The following ETV5 variants were observed in gnomAD, a reference collection of about 807,000 sequenced individuals.
ETV5 encodes ETS variant transcription factor 5.
Under a neutral mutation model 70.0 loss-of-function variants are expected in ETV5, and 10 were observed. That is an observed-to-expected ratio of 0.14 (90% CI 0.09 to 0.24). The LOEUF is 0.24. Ranked by LOEUF, ETV5 falls within the 10% of genes least tolerant of loss-of-function variation. ETV5 has a pLI of 1.00. For synonymous variants in ETV5, 216 were observed against 242.2 expected (o/e 0.89, Z 1.01); for missense variants, 453 against 651.2 (o/e 0.70, Z 3.31).
chr3:186,062,349 C>T (rs934136416), intron 9 of ETV5, among the ~76,000 whole-genome samples: 6 of 152,194 alleles, frequency 3.9e-5, no homozygotes, highest in South Asian at 4.1e-4. Flanking sequence ...GGTTTCATTA[C>T]CCTATGGGGC....
At chr3:186,083,775 C>CTGT (rs1713988390) in intron 5 of ETV5, among the ~76,000 whole-genome samples, 1 of 152,132 alleles carries the variant, frequency 6.6e-6, no homozygotes, top group African/African-American at 2.4e-5. Context: ...CACATCTACC[C>CTGT]TACAAGGCTG....
At chr3:186,071,493 TCA>T (rs1456323572) in intron 7 of ETV5, among the ~76,000 whole-genome samples, 1 of 152,148 alleles carries the variant, frequency 6.6e-6, no homozygotes, top group African/African-American at 2.4e-5. Context: ...CTCTGAAGCC[TCA>T]GTTTCCTCTC....
rs941598741 is a variant in ETV5, at chr3:186,054,719, T to G, written c.1209+2356A>C. 6.6e-6 allele frequency among the ~76,000 whole-genome samples: 1 copy of G among 151,824 alleles called. No homozygotes were observed. Among genetic ancestry groups the G allele is most frequent in the African/African-American group, 2.4e-5 (1 of 41,292 alleles). On this transcript the variant is annotated intron_variant, in intron 11 of 12. Coordinates refer to ENST00000306376, the MANE Select transcript of ETV5 (RefSeq NM_004454.3). The surrounding 1 kb of genome is among the most constrained non-coding windows in gnomAD (Gnocchi z 4.4). ...TCCTCCTCCGCTTCACCCTTCAAGC[T>G]CCCCCATGACGACTTCTTACAGCTT...
intron 5 of ETV5, among the ~76,000 whole-genome samples, chr3:186,085,615 T>G (rs1462067786): frequency 1.3e-5 from 2 of 151,578 alleles, no homozygotes; most frequent in Admixed American, 1.3e-4. Context: ...TTCAAGTGAT[T>G]CTCCTATCTC....
rs1712914462 is a variant in ETV5 at position 186,047,731 on chromosome 3, A to G, written c.*908T>C. ...GCCCCTCTCAAGCTGCAGTGTCTTC[A>G]TAAGTTGGCACGGCCCTGGCTAAAG... On this transcript the variant is annotated 3_prime_UTR_variant, in exon 13 of 13. Coordinates refer to ENST00000306376, the MANE Select transcript of ETV5 (RefSeq NM_004454.3). 1 of 233,576 alleles carries G rather than the reference A, an allele frequency of 4.3e-6. No individual in the cohort carries two copies. The highest frequency in any genetic ancestry group is 8.5e-6 in the Non-Finnish European group (1 of 117,958). 14.5% of individuals were successfully genotyped at this position (233,576 alleles called of 1,614,324 possible). A position where few individuals can be genotyped will look rare whatever the true frequency, so the allele number is the denominator to read the frequency against.
At position 186,059,438 on chromosome 3, in the gene ETV5, C is replaced by T. The variant is rs368809642; in HGVS notation, c.971-1947G>A. 7.9e-5 allele frequency among the ~76,000 whole-genome samples: 12 copies of T among 152,236 alleles called. 1 individual carries two copies. The highest frequency in any genetic ancestry group is 2.6e-4 in the African/African-American group (11 of 41,550). Reference sequence around the variant, plus strand: ...ACAGACAATAAAGGAGAAAAAGAAACGAGAGGTGGCATAGTACTGATGGAC... The same window carrying T: ...ACAGACAATAAAGGAGAAAAAGAAATGAGAGGTGGCATAGTACTGATGGAC... On this transcript the variant is annotated intron_variant, in intron 9 of 12. Transcript: ENST00000306376.
Position 186,080,053 on chromosome 3 carries a change from T to C in ETV5, c.414A>G (p.Thr138=). The C allele has an allele frequency of 7.2e-6, 11 of 1,524,656 alleles. No homozygotes were observed. The highest frequency in any genetic ancestry group is 9.6e-6 in the Non-Finnish European group (11 of 1,145,126). The allele number at this position is 1,524,656 out of a possible 1,614,324, so 94.4% of individuals were successfully genotyped here. ...TCTGATGGGTGGGTGAGAGGGGGGTTGTAGGAGGGGTTAATGGCTTGAACC... is the reference window on the plus strand; with the variant it reads ...TCTGATGGGTGGGTGAGAGGGGGGTCGTAGGAGGGGTTAATGGCTTGAACC... ...PSGFKPLTPP[T]TPLSPTHQNP... is the part of the protein sequence containing the mutation. Residue 138 remains threonine (T), a synonymous_variant, in exon 7 of 13, where the codon ACA becomes ACG. Coordinates refer to ENST00000306376, the MANE Select transcript of ETV5 (RefSeq NM_004454.3).
At chr3:186,055,351 C>T (rs567275787) in intron 11 of ETV5, among the ~76,000 whole-genome samples, 1 of 152,174 alleles carries the variant, frequency 6.6e-6, no homozygotes, top group East Asian at 1.9e-4. Context: ...AACCAGGCCA[C>T]GTTATTCAGA....
At chr3:186,081,309 A>T (rs1713929776) in intron 5 of ETV5, 134 bp from the exon 6 acceptor site, 1 of 830,846 alleles carries the variant, frequency 1.2e-6, no homozygotes, top group Non-Finnish European at 1.7e-6. Context: ...TGTCAGAAAA[A>T]GCAAAACGCT....
chr3:186,072,342 A>C (rs1310175562), intron 7 of ETV5, among the ~76,000 whole-genome samples: 1 of 151,628 alleles, frequency 6.6e-6, no homozygotes, highest in African/African-American at 2.4e-5. Context: ...ACTGCACTCC[A>C]GCCTGGGTGA....
Position 186,065,901 on chromosome 3 carries a change from C to T in ETV5, c.822G>A (p.Gly274=), listed in dbSNP as rs781510888. 1.2e-6 allele frequency: 2 copies of T among 1,613,710 alleles called. No homozygotes were observed. Among genetic ancestry groups the T allele is most frequent in the Non-Finnish European group, 1.7e-6 (2 of 1,179,948 alleles). ...CTGGGGGCCCTGGCATGCCCGGGACCCCATGTTCATAGAGTGGGTCATGGT... is the reference window on the plus strand; with the variant it reads ...CTGGGGGCCCTGGCATGCCCGGGACTCCATGTTCATAGAGTGGGTCATGGT... The part of the protein sequence containing the change: ...QEYHDPLYEH[G]VPGMPGPPAH... The change falls in exon 8 of 13, where the codon GGG becomes GGA. Residue 274 remains glycine (G), a synonymous_variant. Transcript: ENST00000306376.
At chr3:186,094,585 T>C (rs1714259617) in intron 5 of ETV5, among the ~76,000 whole-genome samples, 2 of 152,186 alleles carry the variant, frequency 1.3e-5, no homozygotes, top group Admixed American at 1.3e-4. Context: ...CAATTTAGGA[T>C]TGTTACTTTA....
intron 5 of ETV5, chr3:186,084,221 T>G (rs868763834): frequency 6.8e-6 from 3 of 444,142 alleles, no homozygotes; most frequent in African/African-American, 6.5e-5. Flanking sequence ...CTATAAAGGA[T>G]GGCAACAAAT....
rs754025164 is a variant in ETV5 at position 186,052,105 on chromosome 3, C to T, written c.1236G>A (p.Lys412=). 17 of 1,613,686 alleles carry T rather than the reference C, an allele frequency of 1.1e-5. No homozygotes were observed. The highest frequency in any genetic ancestry group is 8.5e-7 in the Non-Finnish European group (1 of 1,179,830). Residue 412 remains lysine, a synonymous_variant, in exon 12 of 13, where the codon AAG becomes AAA. Coordinates refer to ENST00000306376, the MANE Select transcript of ETV5 (RefSeq NM_004454.3). This position sits in a 1 kb window ranked among gnomAD's most constrained non-coding sequence, Gnocchi z 4.5. ...TGTCATAGTTCATGGCTGGCCGGTTCTTCTGGATGCCCCAGCGCCGAGCAA... is the reference window on the plus strand; with the variant it reads ...TGTCATAGTTCATGGCTGGCCGGTTTTTCTGGATGCCCCAGCGCCGAGCAA... The part of the protein sequence containing the change: ...EEVARRWGIQ[K]NRPAMNYDKL...
At position 186,046,572 on chromosome 3, in the gene ETV5, C is replaced by T. The variant is rs1712881877; in HGVS notation, c.*2067G>A. 4.3e-6 allele frequency: 1 copy of T among 231,398 alleles called. No homozygotes were observed. Among genetic ancestry groups the T allele is most frequent in the Non-Finnish European group, 8.5e-6 (1 of 117,082 alleles). 14.3% of individuals were successfully genotyped at this position (231,398 alleles called of 1,614,324 possible). On this transcript the variant is annotated 3_prime_UTR_variant, in exon 13 of 13. Transcript: ENST00000306376. ...GCAACCGTGATGCCGCTGTCCTATG[C>T]CCAGTGACAGCACAGGTCACGTAAG...
In ETV5 at chr3:186,054,294, G is replaced by A. The variant is rs781760399; in HGVS notation, c.1210-2163C>T. Among the ~76,000 whole-genome samples the A allele has an allele frequency of 2.0e-5, 3 of 152,140 alleles. No individual in the cohort carries two copies. The highest frequency in any genetic ancestry group is 6.5e-5 in the Admixed American group (1 of 15,272). The stretch of plus-strand genomic sequence containing the variant: ...CTCTCATTAGTTACTTTGGTAGCAC[G>A]TATCTTGAGGACTGAGGCTGAAGGA... On this transcript the variant is annotated intron_variant, in intron 11 of 12. Transcript: ENST00000306376. The surrounding 1 kb of genome is among the most constrained non-coding windows in gnomAD (Gnocchi z 4.4).
At chr3:186,099,469 G>C (rs531086272) in intron 5 of ETV5, among the ~76,000 whole-genome samples, 7 of 152,248 alleles carry the variant, frequency 4.6e-5, no homozygotes, top group Non-Finnish European at 1.0e-4. Flanking sequence ...CTGTGTGCCA[G>C]GGCACAGATG....
chr3:186,101,034 T>A (rs1714443300), intron 5 of ETV5, among the ~76,000 whole-genome samples: 2 of 152,206 alleles, frequency 1.3e-5, no homozygotes, highest in Non-Finnish European at 2.9e-5. Context: ...TGAAACACTC[T>A]TGAGTTCCAA....
chr3:186,096,501 A>T (rs1484366344), intron 5 of ETV5, among the ~76,000 whole-genome samples: 1 of 152,022 alleles, frequency 6.6e-6, no homozygotes, highest in Non-Finnish European at 1.5e-5. Context: ...GCAACCTCCT[A>T]CACAGCTGAT....
Sources: gnomAD v4.1 joint callset for allele counts (sites outside exome capture counted in the v4.1 genomes callset) on GRCh38, gnomAD v4.1.1 for gene constraint, Gnocchi (gnomAD v3.1) non-coding constraint, MANE v1.5 for transcripts, NCBI Gene and HGNC (gene_info 2026-07-23, HGNC 2026-07-21) for gene names.